Variants in TNS3 observed in about 807,000 individuals in gnomAD.
TNS3 encodes tensin-3.
In TNS3, 45 loss-of-function variants were observed where a neutral mutation model predicts 140.9. The ratio of observed to expected loss-of-function variants is 0.32; its 90% CI spans 0.25 to 0.41. The LOEUF (loss-of-function observed/expected upper bound fraction) is 0.41. TNS3 is among the 10% of genes least tolerant of loss of function. TNS3 has a pLI of 1.00. For missense variants in TNS3, 1,716 were observed against 1,906.7 expected (o/e 0.90, Z 1.86); for synonymous variants, 815 against 788.4 (o/e 1.03, Z -0.56).
At chr7:47,380,020 G>A (rs1264641009) in intron 16 of TNS3, among the ~76,000 whole-genome samples, 1 of 152,262 alleles carries the variant, frequency 6.6e-6, no homozygotes, top group Non-Finnish European at 1.5e-5. Flanking sequence ...GCCTCTCTGG[G>A]AAGGGAAGGC....
At chr7:47,535,681 T>A (rs1799573709) in intron 1 of TNS3, among the ~76,000 whole-genome samples, 1 of 152,218 alleles carries the variant, frequency 6.6e-6, no homozygotes, top group African/African-American at 2.4e-5. Flanking sequence ...GGGGACACAG[T>A]AATTAGTGCT....
intron 20 of TNS3, among the ~76,000 whole-genome samples, chr7:47,313,704 G>A (rs76679313): frequency 0.029 from 4,479 of 152,286 alleles, 103 homozygotes; most frequent in Non-Finnish European, 0.044. Context: ...AAGACCCCAT[G>A]CCATGACTCA....
At chr7:47,504,373 A>G (rs898095366) in intron 3 of TNS3, among the ~76,000 whole-genome samples, 1 of 152,224 alleles carries the variant, frequency 6.6e-6, no homozygotes, top group African/African-American at 2.4e-5. Flanking sequence ...TGTCACTGAC[A>G]GCAGCAGATC....
intron 8 of TNS3, among the ~76,000 whole-genome samples, chr7:47,434,027 T>G (rs906105612): frequency 6.6e-6 from 1 of 152,094 alleles, no homozygotes; most frequent in African/African-American, 2.4e-5. Flanking sequence ...TGGGTGTACC[T>G]GTCCATTTGG....
intron 16 of TNS3, among the ~76,000 whole-genome samples, chr7:47,372,284 A>G (rs1791118454): frequency 6.6e-6 from 1 of 152,186 alleles, no homozygotes; most frequent in Admixed American, 6.5e-5. Flanking sequence ...ACGGTCACAG[A>G]TTTCACGCTG....
chr7:47,409,420 G>A (rs565334118), intron 13 of TNS3, among the ~76,000 whole-genome samples: 6 of 152,046 alleles, frequency 3.9e-5, no homozygotes, highest in Admixed American at 6.5e-5. Flanking sequence ...TGGGCGGTAG[G>A]GGGGAAGACA....
intron 3 of TNS3, among the ~76,000 whole-genome samples, chr7:47,490,884 G>A (rs1195249170): frequency 6.6e-6 from 1 of 152,266 alleles, no homozygotes; most frequent in African/African-American, 2.4e-5. Context: ...CCAGCAATGC[G>A]CACAGCCCCA....
intron 13 of TNS3, 48 bp downstream of exon 13, chr7:47,411,679 T>C (rs368275635): frequency 4.7e-5 from 73 of 1,556,960 alleles, no homozygotes; most frequent in Non-Finnish European, 6.0e-5. Context: ...TCATCACCAC[T>C]GGGAGAGTGG....
chr7:47,420,374 T>C (rs766798448), intron 10 of TNS3, among the ~76,000 whole-genome samples: 3 of 152,142 alleles, frequency 2.0e-5, no homozygotes, highest in Admixed American at 6.5e-5. Context: ...TCCACGCCTA[T>C]TGCACTGTTA....
At chr7:47,445,489 G>T (rs1795683769) in intron 4 of TNS3, among the ~76,000 whole-genome samples, 1 of 152,166 alleles carries the variant, frequency 6.6e-6, no homozygotes, top group African/African-American at 2.4e-5. Context: ...GCTTTCAGGT[G>T]GTCCACACCC....
At chr7:47,370,317 A>T (rs969280235) in intron 16 of TNS3, among the ~76,000 whole-genome samples, 3 of 152,190 alleles carry the variant, frequency 2.0e-5, no homozygotes, top group Non-Finnish European at 4.4e-5. Context: ...ATGTCTGCTC[A>T]AATGTCAATA....
intron 16 of TNS3, among the ~76,000 whole-genome samples, chr7:47,380,708 C>T (rs1791700112): frequency 6.6e-6 from 1 of 152,094 alleles, no homozygotes; most frequent in Non-Finnish European, 1.5e-5. Flanking sequence ...ACAGAAGCCA[C>T]ACACATGCAC....
intron 1 of TNS3, among the ~76,000 whole-genome samples, chr7:47,545,985 A>G (rs61492803): frequency 0.079 from 12,043 of 152,132 alleles, 1,593 homozygotes; most frequent in African/African-American, 0.27. Flanking sequence ...TCTTCCCAGG[A>G]GCTCTGATTT....
At chr7:47,401,795 C>G (rs1298798287) in intron 13 of TNS3, among the ~76,000 whole-genome samples, 2 of 152,228 alleles carry the variant, frequency 1.3e-5, no homozygotes, top group Admixed American at 6.5e-5. Flanking sequence ...GACAGGGATA[C>G]CCCTCACTCA....
At chr7:47,458,410 G>T (rs989115851) in intron 4 of TNS3, among the ~76,000 whole-genome samples, 13 of 152,230 alleles carry the variant, frequency 8.5e-5, no homozygotes, top group African/African-American at 2.7e-4. Context: ...TGCCTCATGA[G>T]TCAGTGGCTC....
chr7:47,439,558 C>G lies in TNS3; in HGVS notation c.79G>C (p.Glu27Gln), dbSNP rs755488967. Residue 27 changes from glutamate to glutamine, a missense_variant, in exon 6 of 31, where the codon GAG becomes CAG. Physicochemically the swap from Glu to Gln is conservative, Grantham distance 29. Transcript: ENST00000311160. ...IAVSFPAGCS[E>Q]ESYLHNLQEV... ...TGTAGGTTGTGCAGGTAGGACTCCT[C>G]AGAGCAGCCGGCAGGGAAGGACACA... 6.2e-7 allele frequency: 1 copy of G among 1,614,056 alleles called. No individual in the cohort carries two copies. The highest frequency in any genetic ancestry group is 8.5e-7 in the Non-Finnish European group (1 of 1,180,008).
intron 16 of TNS3, among the ~76,000 whole-genome samples, chr7:47,383,637 C>A (rs1208008670): frequency 1.3e-5 from 2 of 152,188 alleles, no homozygotes; most frequent in African/African-American, 2.4e-5. Context: ...AAAGCAACGG[C>A]AACCAGCCCG....
In TNS3 at chr7:47,506,343, A is replaced by C. The variant is rs1423936255; in HGVS notation, c.-115+564T>G. ...AGGCCACCTCACTTCCCCACTCACC[A>C]AAACCCTAAGCCCAACAGGACATAG... On this transcript the variant is annotated intron_variant, in intron 3 of 30. Transcript: ENST00000311160. Among the ~76,000 whole-genome samples the C allele has an allele frequency of 2.0e-5, 3 of 152,136 alleles. No homozygotes were observed. The East Asian group carries it at 5.8e-4, about 29-fold the overall frequency.
intron 8 of TNS3, among the ~76,000 whole-genome samples, chr7:47,429,370 C>T (rs1048007406): frequency 1.6e-5 from 2 of 125,668 alleles, no homozygotes; most frequent in East Asian, 4.3e-4. Flanking sequence ...TACAATCTGG[C>T]TCTTTTTTTT....
Sources: gnomAD v4.1 joint callset for allele counts (sites outside exome capture counted in the v4.1 genomes callset) on GRCh38, gnomAD v4.1.1 for gene constraint, MANE v1.5 for transcripts, NCBI Gene and HGNC (gene_info 2026-07-23, HGNC 2026-07-21) for gene names.